The following TOMM34 variants were observed in gnomAD, a reference collection of about 807,000 sequenced individuals.
The protein encoded by TOMM34 is mitochondrial import receptor subunit TOM34.
A neutral mutation model predicts 37.4 loss-of-function variants in TOMM34; 24 were observed. The observed-to-expected ratio is 0.64, with a 90% CI of 0.46 to 0.90. TOMM34 has a LOEUF of 0.90. Among genes scored for constraint, TOMM34 ranks in the 40% least tolerant of loss-of-function variants. The pLI is 0.00. For synonymous variants in TOMM34, 154 were observed against 148.9 expected, an observed-to-expected ratio of 1.03 and a Z score of -0.25; for missense variants, 304 against 375.6, an observed-to-expected ratio of 0.81 and a Z score of 1.58.
At position 44,960,381 on chromosome 20, in the gene TOMM34, G is replaced by C; in HGVS notation, c.-48C>G. The C allele has an allele frequency of 6.7e-7, 1 of 1,495,560 alleles. No individual in the cohort carries two copies. Among genetic ancestry groups the C allele is most frequent in the Non-Finnish European group, 8.9e-7 (1 of 1,117,724 alleles). 92.6% of individuals were successfully genotyped at this position (1,495,560 alleles called of 1,614,324 possible). A position where few individuals can be genotyped will look rare whatever the true frequency, so the allele number is the denominator to read the frequency against. ...GGGAGCTCCTTCCTTCCTCCCCCGT[G>C]TGGTGCGGCACACCTTCCGGGCGCA... On this transcript the variant is annotated 5_prime_UTR_variant, in exon 1 of 7. Transcript: ENST00000372813.
At chr20:44,951,533 T>C (rs537211117) in intron 4 of TOMM34, among the ~76,000 whole-genome samples, 7 of 152,264 alleles carry the variant, frequency 4.6e-5, no homozygotes, top group African/African-American at 1.7e-4. Context: ...AAGTACTACA[T>C]CCCAAGTGCT....
intron 3 of TOMM34, among the ~76,000 whole-genome samples, chr20:44,954,455 A>G (rs2067052837): frequency 6.6e-6 from 1 of 152,224 alleles, no homozygotes; most frequent in Non-Finnish European, 1.5e-5. Flanking sequence ...CACTAAATAC[A>G]TACCATGAAG....
chr20:44,950,173 C>G (rs1236610132), intron 4 of TOMM34, among the ~76,000 whole-genome samples: 3 of 152,200 alleles, frequency 2.0e-5, no homozygotes, highest in Non-Finnish European at 4.4e-5. Flanking sequence ...CTGCAACACA[C>G]CACTCTGCAG....
intron 1 of TOMM34, among the ~76,000 whole-genome samples, chr20:44,959,767 T>C (rs780281541): frequency 2.0e-5 from 3 of 152,082 alleles, no homozygotes; most frequent in Non-Finnish European, 4.4e-5. Context: ...ATCACCCTAT[T>C]TGTCTTCTTC....
chr20:44,959,785 T>G (rs1211544450), intron 1 of TOMM34, among the ~76,000 whole-genome samples: 1 of 152,168 alleles, frequency 6.6e-6, no homozygotes, highest in Non-Finnish European at 1.5e-5. Context: ...TTCCTAACCC[T>G]GATTATCCCA....
At chr20:44,956,578 G>T in intron 1 of TOMM34, 93 bp from the exon 2 acceptor site, 1 of 1,200,306 alleles carries the variant, frequency 8.3e-7, no homozygotes, top group Non-Finnish European at 1.2e-6. Context: ...TTTGGGCCTT[G>T]TGTTAAGGCA....
chr20:44,958,972 G>GAGGTCT (rs1418988023), intron 1 of TOMM34: 3 of 151,314 alleles, frequency 2.0e-5, no homozygotes, highest in Admixed American at 1.3e-4. Flanking sequence ...GATGTGAGGA[G>GAGGTCT]AGGTCTAGCA....
rs1291087698 is a variant in TOMM34 at position 44,949,909 on chromosome 20, A to G, written c.551-1032T>C. ...GAAGAATAAGTCTGTGTATTCTTTT[A>G]TGACTTGGTTTTTCTTTTTCCCCTT... On this transcript the variant is annotated intron_variant, in intron 4 of 6. Transcript: ENST00000372813. 2.0e-5 allele frequency among the ~76,000 whole-genome samples: 3 copies of G among 152,172 alleles called. No homozygotes were observed. In the South Asian group the frequency reaches 6.2e-4, roughly 31 times the overall value.
chr20:44,952,093 A>G, intron 3 of TOMM34, 91 bp from the exon 4 acceptor site: 1 of 1,457,680 alleles, frequency 6.9e-7, no homozygotes, highest in Non-Finnish European at 9.1e-7. Flanking sequence ...AGGCCTTTTC[A>G]GAAGAGCCAG....
intron 4 of TOMM34, 36 bp from the exon 5 acceptor site, chr20:44,948,913 A>G: frequency 6.2e-7 from 1 of 1,607,754 alleles, no homozygotes; most frequent in Non-Finnish European, 8.5e-7. Context: ...AAAACCATGG[A>G]GCAGCACCCA....
rs1268861287 is a variant in TOMM34, at chr20:44,946,446, AAAT to A, written c.698+2281_698+2283del. Among the ~76,000 whole-genome samples, 9 of 152,346 alleles carry A rather than the reference AAAT, an allele frequency of 5.9e-5. No homozygotes were observed. The South Asian group carries it at 6.2e-4, about 11-fold the overall frequency. On this transcript the variant is annotated intron_variant, in intron 5 of 6. Transcript: ENST00000372813. The stretch of plus-strand genomic sequence containing the variant: ...GAAATAACACAAGTGAGTGAAAGGG[AAAT>A]AAGCTTTGGAGTCACAAAGATCTGG...
At chr20:44,959,348 AG>A (rs2067105036) in intron 1 of TOMM34, among the ~76,000 whole-genome samples, 1 of 152,178 alleles carries the variant, frequency 6.6e-6, no homozygotes, top group Non-Finnish European at 1.5e-5. Context: ...CTTTGGGCAA[AG>A]GTCTGCGGTA....
rs554407154 is a variant in TOMM34 at position 44,955,612 on chromosome 20, G to A, written c.228-392C>T. ...GAATTCCACCTCTGCTGCTAACTAT[G>A]TGACCCAGGTAAATCACTTTACTGC... On this transcript the variant is annotated intron_variant, in intron 2 of 6. Coordinates refer to ENST00000372813, the MANE Select transcript of TOMM34 (RefSeq NM_006809.5). 450 of 459,494 alleles carry A rather than the reference G, an allele frequency of 9.8e-4. 8 individuals are homozygous for A. Among genetic ancestry groups the A allele is most frequent in the South Asian group, 6.8e-3 (442 of 64,602 alleles). The allele number at this position is 459,494 out of a possible 1,614,324, so 28.5% of individuals were successfully genotyped here.
intron 3 of TOMM34, 41 bp from the exon 4 acceptor site, chr20:44,952,043 G>A (rs1416516495): frequency 1.3e-6 from 2 of 1,578,460 alleles, no homozygotes; most frequent in Admixed American, 1.9e-5. Flanking sequence ...TTCCAGCTGG[G>A]TCAAGAAGAT....
In TOMM34 at chr20:44,942,947, A is replaced by C; in HGVS notation, c.*162T>G. The C allele has an allele frequency of 1.5e-6, 1 of 648,416 alleles. No homozygotes were observed. The highest frequency in any genetic ancestry group is 1.9e-5 in the South Asian group (1 of 51,982). 40.2% of individuals were successfully genotyped at this position (648,416 alleles called of 1,614,324 possible). A position where few individuals can be genotyped will look rare whatever the true frequency, so the allele number is the denominator to read the frequency against. On this transcript the variant is annotated 3_prime_UTR_variant, in exon 7 of 7. Transcript: ENST00000372813. ...TTTGACTACACTGAGTTTAATTTGA[A>C]CAAGCAAAGCCTCTTACAGGGTGGG... is the stretch of plus-strand genomic sequence containing the variant.
chr20:44,945,161 C>T (rs1435212320), intron 5 of TOMM34, among the ~76,000 whole-genome samples: 1 of 152,216 alleles, frequency 6.6e-6, no homozygotes, highest in Admixed American at 6.5e-5. Context: ...TTGCCCCAGA[C>T]TTTATTATAC....
intron 3 of TOMM34, among the ~76,000 whole-genome samples, chr20:44,952,467 G>A (rs1339897802): frequency 6.6e-6 from 1 of 152,038 alleles, no homozygotes; most frequent in Admixed American, 6.5e-5. Flanking sequence ...GGCTAATGTG[G>A]CATGTGAGAT....
At chr20:44,943,961 C>T (rs1043155822) in intron 5 of TOMM34, among the ~76,000 whole-genome samples, 1 of 151,510 alleles carries the variant, frequency 6.6e-6, no homozygotes, top group African/African-American at 2.4e-5. Context: ...AAAAAATTAT[C>T]TACTTTAAGG....
chr20:44,947,951 G>A (rs1214219197), intron 5 of TOMM34, among the ~76,000 whole-genome samples: 5 of 152,202 alleles, frequency 3.3e-5, no homozygotes, highest in African/African-American at 1.2e-4. Context: ...TAAGCATTTG[G>A]TTTTGATATG....
Sources: allele counts gnomAD v4.1 joint callset (sites outside exome capture counted in the v4.1 genomes callset), GRCh38; gene constraint gnomAD v4.1.1; transcripts MANE v1.5; gene names NCBI Gene and HGNC (gene_info 2026-07-23, HGNC 2026-07-21).